Variants in HIF1AN observed in about 807,000 individuals in gnomAD.
HIF1AN encodes hypoxia inducible factor 1 subunit alpha inhibitor.
A neutral mutation model predicts 47.7 loss-of-function variants in HIF1AN; 21 were observed. That is an observed-to-expected ratio of 0.44 (90% CI 0.31 to 0.63). The LOEUF is 0.63. HIF1AN is among the 30% of genes least tolerant of loss of function. The pLI, the probability that HIF1AN is intolerant of heterozygous loss-of-function variation, is 0.07. For synonymous variants in HIF1AN, 152 were observed against 155.9 expected (o/e 0.98, Z 0.18); for missense variants, 320 against 432.7 (o/e 0.74, Z 2.31).
At position 100,553,915 on chromosome 10, in the gene HIF1AN, G is replaced by A. The variant is rs1843190682; in HGVS notation, c.*5778G>A. On this transcript the variant is annotated 3_prime_UTR_variant, in exon 8 of 8. Coordinates refer to ENST00000299163, the MANE Select transcript of HIF1AN (RefSeq NM_017902.3). ...TTAATAAATGGCTGTGGTGGTGGTG[G>A]TTATATTTATTATGTGATTTATTCA... is the stretch of plus-strand genomic sequence containing the variant. The A allele has an allele frequency of 1.3e-5, 2 of 152,206 alleles. No individual in the cohort carries two copies. The highest frequency in any genetic ancestry group is 1.3e-4 in the Admixed American group (2 of 15,278). 9.4% of individuals were successfully genotyped at this position (152,206 alleles called of 1,614,324 possible).
chr10:100,543,783 A>G (rs1352760881), intron 3 of HIF1AN, among the ~76,000 whole-genome samples: 1 of 152,188 alleles, frequency 6.6e-6, no homozygotes, highest in Non-Finnish European at 1.5e-5. Flanking sequence ...CGTGTTAGCC[A>G]GGATGGTCTC....
chr10:100,535,947 C>CTGGCGGCGGAGA lies in HIF1AN; in HGVS notation c.-3_9dup, dbSNP rs753212884. The CTGGCGGCGGAGA allele has an allele frequency of 7.8e-6, 12 of 1,546,604 alleles. No individual in the cohort carries two copies. Among genetic ancestry groups the CTGGCGGCGGAGA allele is most frequent in the Non-Finnish European group, 1.0e-5 (12 of 1,146,408 alleles). On this transcript the variant is annotated 5_prime_UTR_variant, in exon 1 of 8. The change creates a new upstream start codon in the 5' untranslated region. Coordinates refer to ENST00000299163, the MANE Select transcript of HIF1AN (RefSeq NM_017902.3). The stretch of plus-strand genomic sequence containing the variant: ...CTTCCGGTTCCGGTGGGGGCCGTCC[C>CTGGCGGCGGAGA]TGGCGGCGGAGATGGCGGCGACAGC...
chr10:100,543,239 G>C (rs1843061775), intron 3 of HIF1AN, among the ~76,000 whole-genome samples: 1 of 152,056 alleles, frequency 6.6e-6, no homozygotes, highest in Non-Finnish European at 1.5e-5. Context: ...ACCCATGCTG[G>C]TGTGCAGTGG....
chr10:100,538,910 T>C (rs1187307635), intron 2 of HIF1AN, among the ~76,000 whole-genome samples: 2 of 148,712 alleles, frequency 1.3e-5, no homozygotes, highest in East Asian at 3.9e-4. Context: ...CCTTTCTTTT[T>C]TTTTTTTTTT....
At position 100,548,719 on chromosome 10, in the gene HIF1AN, A is replaced by C. The variant is rs1287185194; in HGVS notation, c.*582A>C. 3 of 152,778 alleles carry C rather than the reference A, an allele frequency of 2.0e-5. No homozygotes were observed. The highest frequency in any genetic ancestry group is 7.2e-5 in the African/African-American group (3 of 41,396). 9.5% of individuals were successfully genotyped at this position (152,778 alleles called of 1,614,324 possible). ...GTATGGGAATGGCTACCGGGACTCT[A>C]ATGGGGTGAAAGAGAGGGGAGGCTT... On this transcript the variant is annotated 3_prime_UTR_variant, in exon 8 of 8. Transcript: ENST00000299163.
Position 100,548,356 on chromosome 10 carries a change from A to G in HIF1AN, c.*219A>G. The G allele has an allele frequency of 2.0e-6, 1 of 487,920 alleles. No homozygotes were observed. The allele number at this position is 487,920 out of a possible 1,614,324, so 30.2% of individuals were successfully genotyped here. A position where few individuals can be genotyped will look rare whatever the true frequency, so the allele number is the denominator to read the frequency against. ...ATACCCTTGCCTCTTGTGCCCCAGC[A>G]CCTTCTCTCTCTGCCCCCCGCCTAA... is the stretch of plus-strand genomic sequence containing the variant. On this transcript the variant is annotated 3_prime_UTR_variant, in exon 8 of 8. Coordinates refer to ENST00000299163, the MANE Select transcript of HIF1AN (RefSeq NM_017902.3).
chr10:100,551,736 G>A lies in HIF1AN; in HGVS notation c.*3599G>A, dbSNP rs1843162535. The stretch of plus-strand genomic sequence containing the variant: ...ACTTGTTACATTCCAGCACTGTAGG[G>A]CGTGAGGAAAATCTGGTCCTTATCA... On this transcript the variant is annotated 3_prime_UTR_variant, in exon 8 of 8. Transcript: ENST00000299163. 1.3e-5 allele frequency: 2 copies of A among 152,238 alleles called. No homozygotes were observed. The highest frequency in any genetic ancestry group is 4.1e-4 in the South Asian group (2 of 4,832). The allele number at this position is 152,238 out of a possible 1,614,324, so 9.4% of individuals were successfully genotyped here. A position where few individuals can be genotyped will look rare whatever the true frequency, so the allele number is the denominator to read the frequency against.
chr10:100,537,610 G>A (rs1852240693), intron 2 of HIF1AN, among the ~76,000 whole-genome samples: 2 of 152,206 alleles, frequency 1.3e-5, no homozygotes, highest in Admixed American at 1.3e-4. Flanking sequence ...TCCTGCTTAT[G>A]AGGACAGCCT....
rs1408218103 is a variant in HIF1AN, at chr10:100,557,288, C to T, written c.*9151C>T. 1 of 152,160 alleles carries T rather than the reference C, an allele frequency of 6.6e-6. No homozygotes were observed. The highest frequency in any genetic ancestry group is 2.1e-4 in the South Asian group (1 of 4,824). 9.4% of individuals were successfully genotyped at this position (152,160 alleles called of 1,614,324 possible). A position where few individuals can be genotyped will look rare whatever the true frequency, so the allele number is the denominator to read the frequency against. ...AGTGGACTTTGCACAGGCTGGGTGC[C>T]TTTGGGGGTGTTCATCTCGCTATGC... On this transcript the variant is annotated 3_prime_UTR_variant, in exon 8 of 8. Transcript: ENST00000299163.
rs189521243 is a variant in HIF1AN, at chr10:100,550,364, C to T, written c.*2227C>T. On this transcript the variant is annotated 3_prime_UTR_variant, in exon 8 of 8. Coordinates refer to ENST00000299163, the MANE Select transcript of HIF1AN (RefSeq NM_017902.3). ...GCCTAGTGCTTTTCTCTTTGTTCCT[C>T]ACTATCCTGCAAGGTAGGTATTCTC... The T allele has an allele frequency of 7.9e-5, 12 of 152,320 alleles. No individual in the cohort carries two copies. The East Asian group carries it at 1.2e-3, about 15-fold the overall frequency. 9.4% of individuals were successfully genotyped at this position (152,320 alleles called of 1,614,324 possible). A position where few individuals can be genotyped will look rare whatever the true frequency, so the allele number is the denominator to read the frequency against.
chr10:100,539,017 C>A lies in HIF1AN; in HGVS notation c.429-1617C>A, dbSNP rs1842990838. ...ACCTCCCAGGCTCAAGCGATCCTCC[C>A]ACGTCAGCCTGTCAAGTAGCAGGGA... On this transcript the variant is annotated intron_variant, in intron 2 of 7. Coordinates refer to ENST00000299163, the MANE Select transcript of HIF1AN (RefSeq NM_017902.3). 2.0e-5 allele frequency among the ~76,000 whole-genome samples: 3 copies of A among 151,600 alleles called. No homozygotes were observed. The South Asian group carries it at 6.3e-4, about 32-fold the overall frequency.
In HIF1AN at chr10:100,554,107, C is replaced by G. The variant is rs1401273460; in HGVS notation, c.*5970C>G. 1 of 152,198 alleles carries G rather than the reference C, an allele frequency of 6.6e-6. No individual in the cohort carries two copies. Among genetic ancestry groups the G allele is most frequent in the Non-Finnish European group, 1.5e-5 (1 of 68,070 alleles). The allele number at this position is 152,198 out of a possible 1,614,324, so 9.4% of individuals were successfully genotyped here. A position where few individuals can be genotyped will look rare whatever the true frequency, so the allele number is the denominator to read the frequency against. On this transcript the variant is annotated 3_prime_UTR_variant, in exon 8 of 8. Coordinates refer to ENST00000299163, the MANE Select transcript of HIF1AN (RefSeq NM_017902.3). Reference sequence around the variant, plus strand: ...CTAGAGGAAGAGAAACAGGAAGTGTCTTATGCCTCTTCTGCCTGGGCAGCC... The same window carrying G: ...CTAGAGGAAGAGAAACAGGAAGTGTGTTATGCCTCTTCTGCCTGGGCAGCC...
chr10:100,536,408 T>G lies in HIF1AN; in HGVS notation c.178-3T>G. On this transcript the variant is annotated splice_region_variant and splice_polypyrimidine_tract_variant and intron_variant, in intron 1 of 7. Transcript: ENST00000299163. ...GTGTTTTTCACCTGTTGTTTTCATT[T>G]AGGAGCCTGTGGTGCTGACCGACAC... The G allele has an allele frequency of 6.2e-7, 1 of 1,613,140 alleles. No individual in the cohort carries two copies.
chr10:100,540,550 G>A (rs943446266), intron 2 of HIF1AN, 84 bp from the exon 3 acceptor site: 2 of 1,480,212 alleles, frequency 1.4e-6, no homozygotes, highest in Admixed American at 2.0e-5. Flanking sequence ...GTATGGATTT[G>A]GGCTTGGATT....
At position 100,536,581 on chromosome 10, in the gene HIF1AN, G is replaced by A. The variant is rs758376162; in HGVS notation, c.348G>A (p.Pro116=). ...KKMANFQNFK[P]RSNREEMKFH... is the part of the protein sequence containing the mutation. ...TGGCCAATTTCCAGAACTTTAAGCCGAGGTCCAACAGGGAAGAAATGAAAT... is the reference window on the plus strand; with the variant it reads ...TGGCCAATTTCCAGAACTTTAAGCCAAGGTCCAACAGGGAAGAAATGAAAT... Residue 116 remains proline (P), a synonymous_variant, in exon 2 of 8, where the codon CCG becomes CCA. Transcript: ENST00000299163. The A allele has an allele frequency of 3.2e-5, 51 of 1,614,034 alleles. No individual in the cohort carries two copies. Among genetic ancestry groups the A allele is most frequent in the Non-Finnish European group, 4.3e-5 (51 of 1,180,028 alleles).
At chr10:100,545,754 T>C (rs116827116) in intron 4 of HIF1AN, among the ~76,000 whole-genome samples, 189 bp from the exon 5 acceptor site, 90 of 152,322 alleles carry the variant, frequency 5.9e-4, no homozygotes, top group African/African-American at 2.0e-3. Context: ...GTGGACTGTC[T>C]TATATTGTTC....
chr10:100,537,850 T>C (rs1386388173), intron 2 of HIF1AN, among the ~76,000 whole-genome samples: 3 of 152,240 alleles, frequency 2.0e-5, no homozygotes, highest in African/African-American at 7.2e-5. Context: ...CACTTAGCAG[T>C]TGTCATAATG....
Position 100,536,426 on chromosome 10 carries a change from A to G in HIF1AN, c.193A>G (p.Thr65Ala). The change falls in exon 2 of 8, where the codon ACC becomes GCC. Residue 65 changes from threonine (T) to alanine (A), a missense_variant. Thr to Ala is a moderately conservative substitution (Grantham distance 58, BLOSUM62 0). Around this residue, in one of 2 missense-constraint regions of HIF1AN, gnomAD observed 159 missense variants for 159.9 expected, o/e 0.99. Coordinates refer to ENST00000299163, the MANE Select transcript of HIF1AN (RefSeq NM_017902.3). Reference protein sequence around the residue: ...LIENEEPVVLTDTNLVYPALK... With the variant: ...LIENEEPVVLADTNLVYPALK... ...TTTCATTTAGGAGCCTGTGGTGCTG[A>G]CCGACACAAATCTTGTGTATCCTGC... 1 of 1,614,128 alleles carries G rather than the reference A, an allele frequency of 6.2e-7. No homozygotes were observed. The highest frequency in any genetic ancestry group is 8.5e-7 in the Non-Finnish European group (1 of 1,180,020).
At position 100,535,978 on chromosome 10, in the gene HIF1AN, A is replaced by G. The variant is rs1852212945; in HGVS notation, c.20A>G (p.Glu7Gly). The part of the protein sequence containing the change: MAATAA[E>G]AVASGSGEPR... ...GCGGAGATGGCGGCGACAGCGGCGG[A>G]GGCTGTGGCCTCTGGCTCTGGAGAG... The change falls in exon 1 of 8, where the codon GAG (glutamate) becomes GGG (glycine). Residue 7 changes from glutamate (E) to glycine (G), a missense_variant. Coordinates refer to ENST00000299163, the MANE Select transcript of HIF1AN (RefSeq NM_017902.3). The G allele has an allele frequency of 1.3e-6, 2 of 1,550,222 alleles. No homozygotes were observed. The highest frequency in any genetic ancestry group is 1.7e-6 in the Non-Finnish European group (2 of 1,149,374).
Sources: allele counts gnomAD v4.1 joint callset (sites outside exome capture counted in the v4.1 genomes callset), GRCh38; gene constraint gnomAD v4.1.1; regional missense constraint gnomAD v4.1.1; transcripts MANE v1.5; gene names NCBI Gene and HGNC (gene_info 2026-07-23, HGNC 2026-07-21).